SPAG16: variants seen among roughly 807,000 people sequenced by gnomAD.
SPAG16 encodes sperm-associated antigen 16 protein.
SPAG16 carries 86 observed loss-of-function variants against 80.4 expected under a neutral mutation model. The observed-to-expected ratio is 1.07, with a 90% CI of 0.90 to 1.28. SPAG16 has a LOEUF of 1.28. SPAG16 is among the 50% of genes most tolerant of loss of function. The pLI, the probability that SPAG16 is intolerant of heterozygous loss-of-function variation, is 0.00. For synonymous variants in SPAG16, 294 were observed against 265.9 expected (o/e 1.11, Z -1.03); for missense variants, 870 against 765.3 (o/e 1.14, Z -1.61).
At chr2:214,250,761 G>GAGAGAA (rs1252463389) in intron 15 of SPAG16, among the ~76,000 whole-genome samples, 1 of 116,400 alleles carries the variant, frequency 8.6e-6, no homozygotes, top group Non-Finnish European at 1.8e-5. Flanking sequence ...TATATATAGA[G>GAGAGAA]AGAGAGAGAG....
intron 15 of SPAG16, among the ~76,000 whole-genome samples, chr2:214,219,739 G>A (rs2058517097): frequency 6.6e-6 from 1 of 151,948 alleles, no homozygotes. Context: ...GTCCCTTCTA[G>A]TTTCTCTGTG....
intron 9 of SPAG16, among the ~76,000 whole-genome samples, chr2:213,424,129 G>A (rs964249125): frequency 6.6e-6 from 1 of 152,192 alleles, no homozygotes; most frequent in Non-Finnish European, 1.5e-5. Flanking sequence ...AATAAGTGTA[G>A]TCAGGATGTT....
At chr2:214,289,082 T>C (rs541640279) in intron 15 of SPAG16, among the ~76,000 whole-genome samples, 1 of 152,322 alleles carries the variant, frequency 6.6e-6, no homozygotes, top group Admixed American at 6.5e-5. Context: ...GCCCACTTTT[T>C]AATAGGATTT....
intron 6 of SPAG16, among the ~76,000 whole-genome samples, chr2:213,347,321 C>A (rs1414040121): frequency 6.6e-6 from 1 of 151,998 alleles, no homozygotes; most frequent in African/African-American, 2.4e-5. Flanking sequence ...TTTTGTTGAT[C>A]TTTTCAAAAA....
chr2:213,364,003 A>G (rs774193622), intron 7 of SPAG16, 73 bp from the exon 8 acceptor site: 1 of 559,010 alleles, frequency 1.8e-6, no homozygotes. Context: ...GGATATTTAA[A>G]TATTGTGTTT....
chr2:213,765,141 C>T lies in SPAG16; in HGVS notation c.1071-97344C>T, dbSNP rs113561868. On this transcript the variant is annotated intron_variant, in intron 10 of 15. Transcript: ENST00000331683. ...CCAGCACTTTGGGAAGTGCCCGAGG[C>T]GGGCGGATCACAAGGTCAGGAGACC... Among the ~76,000 whole-genome samples, 623 of 152,298 alleles carry T rather than the reference C, an allele frequency of 4.1e-3. 3 individuals are homozygous for T. The highest frequency in any genetic ancestry group is 0.014 in the African/African-American group (591 of 41,570).
At chr2:213,426,830 G>C (rs577819499) in intron 9 of SPAG16, among the ~76,000 whole-genome samples, 781 of 69,694 alleles carry the variant, frequency 0.011, 18 homozygotes, top group African/African-American at 0.035. Flanking sequence ...AGATTATTCT[G>C]ATACATACAC....
At chr2:213,456,488 C>T (rs1357060057) in intron 9 of SPAG16, among the ~76,000 whole-genome samples, 2 of 152,154 alleles carry the variant, frequency 1.3e-5, no homozygotes, top group Non-Finnish European at 2.9e-5. Context: ...GAAAAGTTAT[C>T]ATTCCCTTGG....
At chr2:213,917,482 C>T (rs944586531) in intron 11 of SPAG16, among the ~76,000 whole-genome samples, 6 of 151,908 alleles carry the variant, frequency 3.9e-5, no homozygotes, top group Non-Finnish European at 8.8e-5. Context: ...GTTGTAGAGA[C>T]GTTTCATTTC....
At chr2:213,376,135 A>G (rs1302070834) in intron 9 of SPAG16, among the ~76,000 whole-genome samples, 1 of 151,604 alleles carries the variant, frequency 6.6e-6, no homozygotes, top group Non-Finnish European at 1.5e-5. Flanking sequence ...TTTTTCTATC[A>G]TAATTATAGA....
At chr2:214,147,128 G>C (rs986435595) in intron 14 of SPAG16, among the ~76,000 whole-genome samples, 5 of 152,108 alleles carry the variant, frequency 3.3e-5, no homozygotes, top group African/African-American at 1.2e-4. Flanking sequence ...GCTTGAAGTT[G>C]CTATGTACTA....
At chr2:213,840,103 GT>G in intron 10 of SPAG16, among the ~76,000 whole-genome samples, 2 of 152,108 alleles carry the variant, frequency 1.3e-5, no homozygotes, top group Non-Finnish European at 2.9e-5. Context: ...TTTTGCCATT[GT>G]TTCAAGTCTG....
intron 9 of SPAG16, among the ~76,000 whole-genome samples, chr2:213,414,837 T>C (rs2125408854): frequency 6.6e-6 from 1 of 152,384 alleles, no homozygotes; most frequent in East Asian, 1.9e-4. Context: ...TAATGGACTA[T>C]ATATGTATAT....
chr2:214,273,576 T>G (rs568803854), intron 15 of SPAG16, among the ~76,000 whole-genome samples: 101 of 152,308 alleles, frequency 6.6e-4, no homozygotes, highest in African/African-American at 2.2e-3. Context: ...TTCTTTTTTT[T>G]GTCAGGTTTG....
chr2:214,149,497 T>A (rs925320627), intron 15 of SPAG16, among the ~76,000 whole-genome samples: 5 of 152,096 alleles, frequency 3.3e-5, no homozygotes, highest in Admixed American at 6.6e-5. Flanking sequence ...TAATGTGTAC[T>A]AATCTAGATA....
intron 15 of SPAG16, among the ~76,000 whole-genome samples, chr2:214,319,224 A>ACACACACACACAC (rs1553554490): frequency 3.3e-5 from 5 of 151,000 alleles, no homozygotes; most frequent in Admixed American, 6.6e-5. Context: ...ACACACACAC[A>ACACACACACACAC]AGAAGTGTAG....
intron 15 of SPAG16, among the ~76,000 whole-genome samples, chr2:214,174,417 G>A (rs1392452356): frequency 1.3e-5 from 2 of 152,036 alleles, no homozygotes; most frequent in Non-Finnish European, 2.9e-5. Context: ...AAAATCACAA[G>A]CATTCTTATA....
chr2:213,751,133 G>T (rs948321316), intron 10 of SPAG16, among the ~76,000 whole-genome samples: 1 of 151,272 alleles, frequency 6.6e-6, no homozygotes, highest in Non-Finnish European at 1.5e-5. Context: ...TACTTCAATT[G>T]TTAATTTTTT....
intron 12 of SPAG16, among the ~76,000 whole-genome samples, chr2:213,958,300 T>G (rs1438237034): frequency 6.6e-6 from 1 of 151,988 alleles, no homozygotes; most frequent in African/African-American, 2.4e-5. Context: ...TATATGGGAG[T>G]CAGTGGGTCA....
Sources: gnomAD v4.1 joint callset for allele counts (sites outside exome capture counted in the v4.1 genomes callset) on GRCh38, gnomAD v4.1.1 for gene constraint, MANE v1.5 for transcripts, NCBI Gene and HGNC (gene_info 2026-07-23, HGNC 2026-07-21) for gene names.